KLHL13: variants seen among roughly 807,000 people sequenced by gnomAD.
KLHL13 encodes kelch like family member 13, also known as kelch-like protein 13.
In KLHL13, 10 loss-of-function variants were observed where a neutral mutation model predicts 37.1. That is an observed-to-expected ratio of 0.27 (90% CI 0.17 to 0.46). KLHL13 has a LOEUF of 0.46. Ranked by LOEUF, KLHL13 falls within the 20% of genes least tolerant of loss-of-function variation. The probability of loss-of-function intolerance (pLI) is 1.00; values close to 1 mark genes in which losing one functional copy is unlikely to be tolerated. For missense variants in KLHL13, 360 were observed against 509.3 expected (o/e 0.71, Z 2.82); for synonymous variants, 163 against 181.2 (o/e 0.90, Z 0.81).
chrX:117,905,687 A>C (rs1930470273), intron 5 of KLHL13, among the ~76,000 whole-genome samples: 1 of 111,130 alleles, frequency 9.0e-6, no homozygotes, highest in African/African-American at 3.3e-5. Context: ...GTGGGTACAT[A>C]GTACGTGTAT....
intron 1 of KLHL13, among the ~76,000 whole-genome samples, chrX:117,984,104 T>A (rs902295687): frequency 8.9e-6 from 1 of 111,852 alleles, no homozygotes; most frequent in Non-Finnish European, 1.9e-5. Flanking sequence ...CATAAATAGA[T>A]ATACTGTCTC....
At chrX:117,985,567 C>A (rs919466709) in intron 1 of KLHL13, among the ~76,000 whole-genome samples, 13 of 109,926 alleles carry the variant, frequency 1.2e-4, no homozygotes, top group Non-Finnish European at 2.3e-4. Flanking sequence ...AAATGAGAAG[C>A]ACATATATCT....
exon 7 of KLHL13, chrX:117,898,745 C>T (rs1203152606): frequency 3.5e-6 from 2 of 565,984 alleles, no homozygotes; most frequent in African/African-American, 4.6e-5. Context: ...ACATTCTAGG[C>T]CAAACAAAGA....
At chrX:118,099,213 A>T (rs2055254506) in intron 1 of KLHL13, among the ~76,000 whole-genome samples, 1 of 111,578 alleles carries the variant, frequency 9.0e-6, no homozygotes, top group Non-Finnish European at 1.9e-5. Context: ...GATATTATGG[A>T]AATAGGTATT....
chrX:117,969,459 G>A (rs2053487431), intron 1 of KLHL13, among the ~76,000 whole-genome samples: 1 of 111,676 alleles, frequency 9.0e-6, no homozygotes, highest in African/African-American at 3.3e-5. Flanking sequence ...TATATGGTTT[G>A]CACCTGTCAG....
chrX:117,994,325 G>T (rs1241575418), intron 1 of KLHL13, among the ~76,000 whole-genome samples: 1 of 109,690 alleles, frequency 9.1e-6, no homozygotes, highest in East Asian at 2.9e-4. Context: ...GTGATTATAG[G>T]TGACTGCAGC....
chrX:117,926,816 G>A (rs1006469943), intron 2 of KLHL13, among the ~76,000 whole-genome samples: 5 of 104,200 alleles, frequency 4.8e-5, no homozygotes, highest in African/African-American at 1.4e-4. Flanking sequence ...CTGGACTTAG[G>A]GCATCACGTA....
intron 1 of KLHL13, among the ~76,000 whole-genome samples, chrX:117,953,614 G>A (rs939919533): frequency 2.7e-5 from 3 of 111,161 alleles, no homozygotes; most frequent in African/African-American, 6.5e-5. Flanking sequence ...AGCTCGGAGA[G>A]TTTAAGGCCT....
At chrX:118,106,029 G>T (rs1462808230) in intron 1 of KLHL13, among the ~76,000 whole-genome samples, 2 of 103,022 alleles carry the variant, frequency 1.9e-5, no homozygotes, top group African/African-American at 7.1e-5. Flanking sequence ...AGCCTCCCGA[G>T]TAGCTGGGAC....
At position 117,909,563 on chromosome X, in the gene KLHL13, C is replaced by T. The variant is rs146208287; in HGVS notation, c.1104G>A (p.Glu368=). 1.6e-3 allele frequency: 1,944 copies of T among 1,210,065 alleles called. 5 individuals carry two copies. Among genetic ancestry groups the T allele is most frequent in the Non-Finnish European group, 1.8e-3 (1,577 of 895,263 alleles). ...CATCCATGGGGGCTAACGATTTCCA[C>T]TCATGGGCCTTTTCATCATACATGC... The change falls in exon 5 of 7, where the codon GAG becomes GAA. Residue 368 remains glutamate (E), a synonymous_variant. Coordinates refer to ENST00000262820, the Ensembl canonical transcript of KLHL13.
At chrX:118,053,667 C>T (rs2054642696) in intron 1 of KLHL13, among the ~76,000 whole-genome samples, 1 of 109,307 alleles carries the variant, frequency 9.1e-6, no homozygotes, top group Non-Finnish European at 1.9e-5. Context: ...CATAATGAAA[C>T]AAAGGTGAGC....
At chrX:118,025,135 C>T (rs1344247437) in intron 1 of KLHL13, among the ~76,000 whole-genome samples, 1 of 111,459 alleles carries the variant, frequency 9.0e-6, no homozygotes, top group East Asian at 2.8e-4. Context: ...ACATATTATC[C>T]CTGCTATGAT....
At chrX:118,001,336 G>C (rs1412970589) in intron 1 of KLHL13, among the ~76,000 whole-genome samples, 2 of 111,819 alleles carry the variant, frequency 1.8e-5, no homozygotes. Context: ...GCAGGCCATG[G>C]ATAGATGATA....
At chrX:117,906,746 T>C in intron 5 of KLHL13, among the ~76,000 whole-genome samples, 1 of 111,680 alleles carries the variant, frequency 9.0e-6, no homozygotes, top group Non-Finnish European at 1.9e-5. Context: ...GCAATCATTT[T>C]CTACAAAAGT....
intron 2 of KLHL13, among the ~76,000 whole-genome samples, chrX:117,929,677 C>A (rs1421191670): frequency 9.8e-6 from 1 of 101,857 alleles, no homozygotes; most frequent in Admixed American, 1.1e-4. Context: ...TGTGGTGGCT[C>A]ATGCCTGTAA....
intron 1 of KLHL13, among the ~76,000 whole-genome samples, chrX:118,018,912 C>T (rs772553772): frequency 9.0e-6 from 1 of 111,094 alleles, no homozygotes; most frequent in African/African-American, 3.2e-5. Context: ...ATATACAAGC[C>T]TAACCTTTTT....
intron 1 of KLHL13, among the ~76,000 whole-genome samples, chrX:117,951,330 C>T (rs899964276): frequency 2.7e-5 from 3 of 111,999 alleles, no homozygotes; most frequent in Non-Finnish European, 5.6e-5. Flanking sequence ...AGTATCATTA[C>T]ACAAAGAAAT....
intron 1 of KLHL13, among the ~76,000 whole-genome samples, chrX:118,103,915 A>T (rs917264949): frequency 1.6e-4 from 17 of 109,557 alleles, no homozygotes; most frequent in African/African-American, 5.7e-4. Flanking sequence ...AATACATTTT[A>T]TAAGACATTT....
chrX:117,918,946 A>T (rs1238770975), intron 4 of KLHL13, among the ~76,000 whole-genome samples: 2 of 112,432 alleles, frequency 1.8e-5, no homozygotes, highest in Non-Finnish European at 1.9e-5. Context: ...AGATTATGGT[A>T]CATACCATTA....
Sources: allele counts gnomAD v4.1 joint callset (sites outside exome capture counted in the v4.1 genomes callset), GRCh38; gene constraint gnomAD v4.1.1; transcripts MANE v1.5; gene names NCBI Gene and HGNC (gene_info 2026-07-23, HGNC 2026-07-21).